IL1RAPL2: variants seen among roughly 807,000 people sequenced by gnomAD.
The protein encoded by IL1RAPL2 is interleukin 1 receptor accessory protein like 2, also known as X-linked interleukin-1 receptor accessory protein-like 2.
In IL1RAPL2, 3 loss-of-function variants were observed where a neutral mutation model predicts 44.1. That is an observed-to-expected ratio of 0.07 (90% CI 0.03 to 0.18). IL1RAPL2 has a LOEUF of 0.18. Ranked by LOEUF, IL1RAPL2 falls within the 10% of genes least tolerant of loss-of-function variation. The pLI is 1.00. For synonymous variants in IL1RAPL2, 181 were observed against 178.8 expected (o/e 1.01, Z -0.10); for missense variants, 391 against 496.4 (o/e 0.79, Z 2.02).
At chrX:105,668,526 A>T (rs888275861) in intron 6 of IL1RAPL2, among the ~76,000 whole-genome samples, 1 of 112,837 alleles carries the variant, frequency 8.9e-6, no homozygotes, top group Non-Finnish European at 1.9e-5. Context: ...GAGCCCAATC[A>T]ACAATGGTGT....
At chrX:105,732,980 G>A (rs1393993473) in intron 7 of IL1RAPL2, among the ~76,000 whole-genome samples, 2 of 111,126 alleles carry the variant, frequency 1.8e-5, no homozygotes, top group Non-Finnish European at 3.8e-5. Context: ...TATTCTTTAT[G>A]TGGATCCAAA....
At chrX:105,235,552 G>C (rs1268514241) in intron 4 of IL1RAPL2, among the ~76,000 whole-genome samples, 3 of 111,325 alleles carry the variant, frequency 2.7e-5, no homozygotes, top group African/African-American at 9.8e-5. Flanking sequence ...TTCACACCTA[G>C]GGAAACTTAC....
chrX:104,904,212 T>G (rs1012657116), intron 2 of IL1RAPL2, among the ~76,000 whole-genome samples: 4 of 96,537 alleles, frequency 4.1e-5, no homozygotes, highest in South Asian at 4.7e-4. Context: ...ACATGGAAAG[T>G]ACTTATCTTC....
rs192314055 is a variant in IL1RAPL2, at chrX:105,489,496, G to T, written c.772+5109G>T. 2.5e-3 allele frequency among the ~76,000 whole-genome samples: 275 copies of T among 110,856 alleles called. 1 individual carries two copies. The highest frequency in any genetic ancestry group is 4.3e-3 in the Non-Finnish European group (229 of 52,922). ...CTACTTCTTTTCATGAGACCCAAAT[G>T]CATGCTTTACAAACTGTAACACACT... is the stretch of plus-strand genomic sequence containing the variant. On this transcript the variant is annotated intron_variant, in intron 6 of 10. Coordinates refer to ENST00000372582, the MANE Select transcript of IL1RAPL2 (RefSeq NM_017416.2).
At chrX:105,759,082 G>A (rs775982026) in intron 10 of IL1RAPL2, among the ~76,000 whole-genome samples, 2 of 111,811 alleles carry the variant, frequency 1.8e-5, no homozygotes, top group Admixed American at 9.5e-5. Context: ...GACATTTTTG[G>A]ATGAGTACCA....
intron 6 of IL1RAPL2, among the ~76,000 whole-genome samples, chrX:105,564,977 C>T (rs2036964658): frequency 8.9e-6 from 1 of 112,498 alleles, no homozygotes. Context: ...TGGCTCCCTG[C>T]AAAGGGAAGC....
At chrX:105,743,747 C>G (rs1223806198) in intron 8 of IL1RAPL2, among the ~76,000 whole-genome samples, 4 of 111,740 alleles carry the variant, frequency 3.6e-5, no homozygotes, top group Non-Finnish European at 7.5e-5. Context: ...ATAATAAGTG[C>G]TCAAAACTAT....
At chrX:104,727,066 C>T (rs1931811576) in intron 2 of IL1RAPL2, among the ~76,000 whole-genome samples, 1 of 109,978 alleles carries the variant, frequency 9.1e-6, no homozygotes, top group African/African-American at 3.3e-5. Flanking sequence ...ATGACTAAGA[C>T]CTCAAAAGTA....
intron 2 of IL1RAPL2, among the ~76,000 whole-genome samples, chrX:105,082,487 C>T (rs1212395576): frequency 1.8e-5 from 2 of 111,537 alleles, no homozygotes; most frequent in Non-Finnish European, 3.8e-5. Flanking sequence ...GTTCTATGAT[C>T]TCGGGTATAC....
At chrX:105,745,611 T>G (rs1319237391) in intron 8 of IL1RAPL2, among the ~76,000 whole-genome samples, 1 of 111,899 alleles carries the variant, frequency 8.9e-6, no homozygotes, top group Admixed American at 9.5e-5. Context: ...GCATCTCTTA[T>G]AACAGGCCCC....
intron 2 of IL1RAPL2, among the ~76,000 whole-genome samples, chrX:104,988,143 G>A (rs778917183): frequency 8.9e-6 from 1 of 112,289 alleles, no homozygotes; most frequent in Admixed American, 9.4e-5. Flanking sequence ...CTGCTGTGGT[G>A]CAGAGACATT....
At chrX:105,481,028 G>C (rs1036117955) in intron 5 of IL1RAPL2, among the ~76,000 whole-genome samples, 1 of 111,935 alleles carries the variant, frequency 8.9e-6, no homozygotes, top group Non-Finnish European at 1.9e-5. Flanking sequence ...CAGGTTTAGG[G>C]GGAAAAGGTG....
chrX:105,426,058 G>A (rs1170944233), intron 5 of IL1RAPL2, among the ~76,000 whole-genome samples: 1 of 105,190 alleles, frequency 9.5e-6, no homozygotes, highest in Non-Finnish European at 1.9e-5. Context: ...CCTCCCAGTA[G>A]AATGTCAGAT....
At chrX:104,891,160 C>A (rs1021515418) in intron 2 of IL1RAPL2, among the ~76,000 whole-genome samples, 2 of 111,477 alleles carry the variant, frequency 1.8e-5, no homozygotes, top group African/African-American at 6.5e-5. Flanking sequence ...TTCTCTATAT[C>A]TCTGTTTTGG....
At chrX:105,551,287 CAA>C (rs764140800) in intron 6 of IL1RAPL2, among the ~76,000 whole-genome samples, 6 of 81,804 alleles carry the variant, frequency 7.3e-5, no homozygotes, top group Non-Finnish European at 4.8e-5. Flanking sequence ...TGCACTTTAC[CAA>C]AAAAAAAAAA....
intron 1 of IL1RAPL2, among the ~76,000 whole-genome samples, chrX:104,572,381 A>G (rs1928164067): frequency 8.9e-6 from 1 of 111,986 alleles, no homozygotes; most frequent in African/African-American, 3.2e-5. Flanking sequence ...TAATCTAGCC[A>G]GACTGGATCA....
At chrX:104,629,452 T>G (rs1029353781) in intron 1 of IL1RAPL2, among the ~76,000 whole-genome samples, 1 of 112,304 alleles carries the variant, frequency 8.9e-6, no homozygotes, top group African/African-American at 3.2e-5. Flanking sequence ...GGGAATAGTT[T>G]GTAAATATTT....
chrX:104,771,379 G>A (rs746423084), intron 2 of IL1RAPL2, among the ~76,000 whole-genome samples: 17 of 112,269 alleles, frequency 1.5e-4, no homozygotes, highest in African/African-American at 3.9e-4. Context: ...TTTACTCTTC[G>A]TCAGCCTTTG....
At chrX:104,992,477 G>A (rs1255709189) in intron 2 of IL1RAPL2, among the ~76,000 whole-genome samples, 1 of 111,401 alleles carries the variant, frequency 9.0e-6, no homozygotes, top group East Asian at 2.9e-4. Flanking sequence ...GATGGTTGAA[G>A]GACAGTGATT....
Sources: gnomAD v4.1 joint callset for allele counts (sites outside exome capture counted in the v4.1 genomes callset) on GRCh38, gnomAD v4.1.1 for gene constraint, MANE v1.5 for transcripts, NCBI Gene and HGNC (gene_info 2026-07-23, HGNC 2026-07-21) for gene names.